The following DIPK2A variants were observed in gnomAD, a reference collection of about 807,000 sequenced individuals.
DIPK2A encodes Golgi Protein of 49 kDa.
Under a neutral mutation model 39.0 loss-of-function variants are expected in DIPK2A, and 27 were observed. The observed-to-expected ratio is 0.69, with a 90% confidence interval of 0.51 to 0.96. The LOEUF is 0.96. Ranked by LOEUF, DIPK2A falls within the 40% of genes least tolerant of loss-of-function variation. The pLI, the probability that DIPK2A is intolerant of heterozygous loss-of-function variation, is 0.00. For synonymous variants in DIPK2A, 298 were observed against 240.8 expected, an observed-to-expected ratio of 1.24 and a Z score of -2.20; for missense variants, 528 against 571.3, an observed-to-expected ratio of 0.92 and a Z score of 0.77.
chr3:143,979,958 G>T (rs2087804126), intron 1 of DIPK2A, among the ~76,000 whole-genome samples: 2 of 152,122 alleles, frequency 1.3e-5, no homozygotes, highest in South Asian at 4.1e-4. Flanking sequence ...TAAAAATCTT[G>T]AAATTGTTAA....
rs752147360 is a variant in DIPK2A, at chr3:143,989,745, G to A, written c.1197G>A (p.Leu399=). ...AAGATGGCCGGCTCGAGGCCTTGCT[G>A]GATGAGTGTGCCAACCCAAAGAAGC... ...IAKDGRLEAL[L]DECANPKKRY... Residue 399 remains leucine, a synonymous_variant, in exon 3 of 3, where the codon CTG becomes CTA. Transcript: ENST00000315691. 6.8e-6 allele frequency: 11 copies of A among 1,614,090 alleles called. No individual in the cohort carries two copies. The highest frequency in any genetic ancestry group is 6.7e-5 in the East Asian group (3 of 44,900).
chr3:143,978,672 A>C (rs374809329), intron 1 of DIPK2A: 3 of 43,146 alleles, frequency 7.0e-5, no homozygotes, highest in Admixed American at 2.5e-4. Flanking sequence ...ATATATAGAT[A>C]TATATATATC....
intron 1 of DIPK2A, among the ~76,000 whole-genome samples, chr3:143,985,117 C>T (rs1361026734): frequency 1.3e-5 from 2 of 152,226 alleles, no homozygotes; most frequent in Non-Finnish European, 2.9e-5. Flanking sequence ...GCCACCGTAA[C>T]ACAGTGCCTG....
chr3:143,978,660 C>CTATATATATA, intron 1 of DIPK2A: 1 of 76,068 alleles, frequency 1.3e-5, no homozygotes, highest in African/African-American at 5.1e-5. Context: ...ATATATATAT[C>CTATATATATA]TATATATAGA....
chr3:143,971,824 C>G lies in DIPK2A; in HGVS notation c.-509C>G, dbSNP rs1247077998. 2 of 152,484 alleles carry G rather than the reference C, an allele frequency of 1.3e-5. No homozygotes were observed. The highest frequency in any genetic ancestry group is 6.5e-5 in the Admixed American group (1 of 15,286). 9.4% of individuals were successfully genotyped at this position (152,484 alleles called of 1,614,324 possible). ...TTGGTCTCAGGAGAGCCAGCGCGCACAAGCAAGGGTGTGCGGCTCTGAGAC... is the reference window on the plus strand; with the variant it reads ...TTGGTCTCAGGAGAGCCAGCGCGCAGAAGCAAGGGTGTGCGGCTCTGAGAC... On this transcript the variant is annotated 5_prime_UTR_variant, in exon 1 of 3. Transcript: ENST00000315691.
rs76915461 is a variant in DIPK2A, at chr3:143,972,866, C to T, written c.534C>T (p.Arg178=). The change falls in exon 1 of 3, where the codon CGC becomes CGT. Residue 178 remains arginine (R), a synonymous_variant. Transcript: ENST00000315691. ...VHCPSQRLLD[R]LVRRYAETKD... ...GCCCCTCGCAGCGCCTTCTCGACCGCCTGGTGCGCCGCTACGCGGAGACCA... is the reference window on the plus strand; with the variant it reads ...GCCCCTCGCAGCGCCTTCTCGACCGTCTGGTGCGCCGCTACGCGGAGACCA... 1,363 of 1,573,814 alleles carry T rather than the reference C, an allele frequency of 8.7e-4. 10 individuals carry two copies. The African/African-American group carries it at 0.017, about 20-fold the overall frequency.
intron 1 of DIPK2A, among the ~76,000 whole-genome samples, chr3:143,976,741 A>G (rs1300269750): frequency 1.3e-5 from 2 of 151,938 alleles, no homozygotes; most frequent in Non-Finnish European, 2.9e-5. Context: ...TTTGCCTTAA[A>G]TTTTCTGAAT....
At chr3:143,976,928 C>CT (rs1187653396) in intron 1 of DIPK2A, among the ~76,000 whole-genome samples, 1 of 151,924 alleles carries the variant, frequency 6.6e-6, no homozygotes, top group African/African-American at 2.4e-5. Flanking sequence ...GTAAAGGTAA[C>CT]TTTAACTGCC....
At chr3:143,973,287 T>TAAG (rs1263066382) in intron 1 of DIPK2A, 2 of 1,470,264 alleles carry the variant, frequency 1.4e-6, no homozygotes, top group Non-Finnish European at 1.8e-6. Flanking sequence ...AAAATGTCTC[T>TAAG]ACTGCGAGTT....
chr3:143,973,004 A>T lies in DIPK2A; in HGVS notation c.657+15A>T. The T allele has an allele frequency of 6.4e-7, 1 of 1,568,436 alleles. No homozygotes were observed. The highest frequency in any genetic ancestry group is 1.3e-5 in the African/African-American group (1 of 74,336). ...TGGTGCTACAGGTAGGCGCGGAGCC[A>T]GGGCAGGGGGCGTCCTGGGAGGGGC... is the stretch of plus-strand genomic sequence containing the variant. On this transcript the variant is annotated intron_variant, in intron 1 of 2. Coordinates refer to ENST00000315691, the MANE Select transcript of DIPK2A (RefSeq NM_173552.5).
intron 2 of DIPK2A, 107 bp downstream of exon 2, chr3:143,985,953 T>A: frequency 1.2e-6 from 1 of 845,516 alleles, no homozygotes; most frequent in Non-Finnish European, 1.8e-6. Flanking sequence ...ATGGCAACTT[T>A]AAGCGTCTTT....
chr3:143,978,602 C>CTATATATATATATCTATATCTATA (rs2087765246), intron 1 of DIPK2A: 5 of 137,538 alleles, frequency 3.6e-5, no homozygotes, highest in Admixed American at 7.4e-5. Flanking sequence ...ATCTATCTAT[C>CTATATATATATATCTATATCTATA]TATATATATA....
At chr3:143,978,492 C>T (rs1250666797) in intron 1 of DIPK2A, 1 of 151,638 alleles carries the variant, frequency 6.6e-6, no homozygotes, top group Non-Finnish European at 1.5e-5. Context: ...GAAAGATGGC[C>T]GTAGGAAACA....
rs1576804404 is a variant in DIPK2A, at chr3:143,973,152, G to T, written c.657+163G>T. The T allele has an allele frequency of 1.1e-5, 12 of 1,112,272 alleles. No homozygotes were observed. The East Asian group carries it at 1.8e-4, about 17-fold the overall frequency. 68.9% of individuals were successfully genotyped at this position (1,112,272 alleles called of 1,614,324 possible). On this transcript the variant is annotated intron_variant, in intron 1 of 2. Transcript: ENST00000315691. ...GCGTCTCCGGGGGAGCCCCGGGGCT[G>T]TGCAGGGAGGCCGAGGGCGACCCCG...
intron 1 of DIPK2A, among the ~76,000 whole-genome samples, chr3:143,982,400 C>A (rs2087838583): frequency 6.6e-6 from 1 of 152,178 alleles, no homozygotes; most frequent in Non-Finnish European, 1.5e-5. Context: ...CAGCAGATCT[C>A]TCTGCAGAAA....
intron 1 of DIPK2A, among the ~76,000 whole-genome samples, chr3:143,981,015 T>C (rs1486331934): frequency 6.6e-6 from 1 of 152,200 alleles, no homozygotes; most frequent in Non-Finnish European, 1.5e-5. Flanking sequence ...TTTTTGTAAG[T>C]AAATAAACAA....
Position 143,972,157 on chromosome 3 carries a change from C to T in DIPK2A, c.-176C>T. ...TGGGAGAAGTCGCAGCCCGCTCAGGCCCGCGCCTTCCCGCTCCCCGTCTTC... is the reference window on the plus strand; with the variant it reads ...TGGGAGAAGTCGCAGCCCGCTCAGGTCCGCGCCTTCCCGCTCCCCGTCTTC... On this transcript the variant is annotated 5_prime_UTR_variant, in exon 1 of 3. Transcript: ENST00000315691. The T allele has an allele frequency of 2.1e-6, 1 of 481,888 alleles. No individual in the cohort carries two copies. The highest frequency in any genetic ancestry group is 3.4e-6 in the Non-Finnish European group (1 of 291,944). The allele number at this position is 481,888 out of a possible 1,614,324, so 29.9% of individuals were successfully genotyped here.
In DIPK2A at chr3:143,972,490, A is replaced by G. The variant is rs758969218; in HGVS notation, c.158A>G (p.Asn53Ser). The G allele has an allele frequency of 2.2e-5, 35 of 1,609,494 alleles. 1 individual carries two copies. The highest frequency in any genetic ancestry group is 1.8e-4 in the South Asian group (16 of 90,760). The change falls in exon 1 of 3, where the codon AAT becomes AGT. Residue 53 changes from asparagine (N) to serine (S), a missense_variant. By Grantham distance (46) the Asn-to-Ser change is conservative (BLOSUM62 1). Coordinates refer to ENST00000315691, the MANE Select transcript of DIPK2A (RefSeq NM_173552.5). ...ELTDRRFLQL[N>S]KCPACFGTSW... ...ACCGACCGGCGCTTCCTGCAGCTCAATAAGTGCCCGGCGTGCTTCGGCACG... is the reference window on the plus strand; with the variant it reads ...ACCGACCGGCGCTTCCTGCAGCTCAGTAAGTGCCCGGCGTGCTTCGGCACG...
chr3:143,978,632 ATATATATC>A (rs2087771521), intron 1 of DIPK2A: 1 of 35,496 alleles, frequency 2.8e-5, no homozygotes, highest in South Asian at 7.5e-4. Context: ...CTATATATAT[ATATATATC>A]TATATATATA....
Sources: gnomAD v4.1 joint callset for allele counts (sites outside exome capture counted in the v4.1 genomes callset) on GRCh38, gnomAD v4.1.1 for gene constraint, MANE v1.5 for transcripts, NCBI Gene and HGNC (gene_info 2026-07-23, HGNC 2026-07-21) for gene names.